The following CELSR2 variants were observed in gnomAD, a reference collection of about 807,000 sequenced individuals.
The protein encoded by CELSR2 is cadherin EGF LAG seven-pass G-type receptor 2.
CELSR2 carries 81 observed loss-of-function variants against 251.6 expected under a neutral mutation model. The observed-to-expected ratio is 0.32, with a 90% CI of 0.27 to 0.39. CELSR2 has a LOEUF of 0.39. Among genes scored for constraint, CELSR2 ranks in the 10% least tolerant of loss-of-function variants. The probability of loss-of-function intolerance (pLI) is 1.00; values close to 1 mark genes in which losing one functional copy is unlikely to be tolerated. For synonymous variants in CELSR2, 1,721 were observed against 1,670.5 expected (o/e 1.03, Z -0.74); for missense variants, 3,365 against 3,947.7 (o/e 0.85, Z 3.96).
At chr1:109,262,730 G>C in intron 6 of CELSR2, 76 bp from the exon 7 acceptor site, 1 of 1,573,086 alleles carries the variant, frequency 6.4e-7, no homozygotes, top group South Asian at 1.2e-5. Flanking sequence ...TCGTGTCTCT[G>C]GCCTGGCGGC....
chr1:109,258,709 G>A lies in CELSR2; in HGVS notation c.3588G>A (p.Gly1196=). 6.4e-7 allele frequency: 1 copy of A among 1,552,056 alleles called. No homozygotes were observed. ...SVGQPPGPGG[G]PPFLPSEDLQ... is the part of the protein sequence containing the mutation. ...GCCAGCCGCCAGGGCCCGGGGGCGG[G>A]CCGCCCTTCCTGCCCTCTGAGGACC... Residue 1196 remains glycine, a synonymous_variant, in exon 2 of 34, where the codon GGG becomes GGA. Coordinates refer to ENST00000271332, the MANE Select transcript of CELSR2 (RefSeq NM_001408.3).
chr1:109,270,270 C>CT, intron 23 of CELSR2, 137 bp downstream of exon 23: 1 of 1,261,804 alleles, frequency 7.9e-7, no homozygotes, highest in South Asian at 1.3e-5. Flanking sequence ...GTTTCCTCTT[C>CT]TGTGGCTCCC....
Position 109,264,473 on chromosome 1 carries a change from C to G in CELSR2, c.5309C>G (p.Thr1770Arg). 3 of 1,607,628 alleles carry G rather than the reference C, an allele frequency of 1.9e-6. No individual in the cohort carries two copies. Among genetic ancestry groups the G allele is most frequent in the Non-Finnish European group, 2.6e-6 (3 of 1,176,406 alleles). The change falls in exon 11 of 34, where the codon ACG becomes AGG. Residue 1770 changes from threonine to arginine, a missense_variant. Transcript: ENST00000271332. ...TCCCAGGGTGTGCGGGTGAGCGATACGCCGGAGGGGGTTAACAGCCTGGAT... is the reference window on the plus strand; with the variant it reads ...TCCCAGGGTGTGCGGGTGAGCGATAGGCCGGAGGGGGTTAACAGCCTGGAT... ...GCLQGVRVSD[T>R]PEGVNSLDPS...
Position 109,261,225 on chromosome 1 carries a change from G to C in CELSR2, c.4142G>C (p.Arg1381Pro). 1.9e-6 allele frequency: 3 copies of C among 1,613,876 alleles called. No individual in the cohort carries two copies. The highest frequency in any genetic ancestry group is 2.5e-6 in the Non-Finnish European group (3 of 1,180,022). ...SFPAHSFITFRGLRQRFHFTL... is the reference protein window; with the variant it reads ...SFPAHSFITFPGLRQRFHFTL... ...CCCGCCCACTCCTTCATCACCTTTC[G>C]CGGCCTGCGCCAGCGTTTCCACTTC... Residue 1381 changes from arginine to proline, a missense_variant, in exon 3 of 34, where the codon CGC becomes CCC. Around this residue, in one of 5 missense-constraint regions of CELSR2, gnomAD observed 2,093 missense variants for 2,382.8 expected, o/e 0.88. Transcript: ENST00000271332. This position sits in a 1 kb window ranked among gnomAD's most constrained non-coding sequence, Gnocchi z 4.8.
In CELSR2 at chr1:109,265,820, C is replaced by T. The variant is rs755405324; in HGVS notation, c.5813C>T (p.Pro1938Leu). The change falls in exon 14 of 34, where the codon CCT becomes CTT. Residue 1938 changes from proline to leucine, a missense_variant. This residue lies in a region of CELSR2 where 2,093 missense variants were observed against 2,382.8 expected (regional missense o/e 0.88). Coordinates refer to ENST00000271332, the MANE Select transcript of CELSR2 (RefSeq NM_001408.3). The part of the protein sequence containing the change: ...PTGSLSRVCD[P>L]EDGQCPCKPG... ...GGCTCCTTGTCCAGAGTCTGTGACC[C>T]TGAGGATGGCCAGTGTCCATGCAAG... 7 of 1,614,134 alleles carry T rather than the reference C, an allele frequency of 4.3e-6. No homozygotes were observed. The highest frequency in any genetic ancestry group is 5.9e-6 in the Non-Finnish European group (7 of 1,180,044).
rs1281955811 is a variant in CELSR2, at chr1:109,250,916, T to G, written c.837T>G (p.Val279=). 6.2e-7 allele frequency: 1 copy of G among 1,613,774 alleles called. No homozygotes were observed. ...RSALATLTIL[V]TDTNDHDPVF... Reference sequence around the variant, plus strand: ...CCCTGGCTACACTCACCATCTTGGTTACTGACACCAATGACCATGACCCTG... The same window carrying G: ...CCCTGGCTACACTCACCATCTTGGTGACTGACACCAATGACCATGACCCTG... Residue 279 remains valine (V), a synonymous_variant, in exon 1 of 34, where the codon GTT becomes GTG. Transcript: ENST00000271332. The surrounding 1 kb of genome is among the most constrained non-coding windows in gnomAD (Gnocchi z 4.4).
intron 14 of CELSR2, 77 bp from the exon 15 acceptor site, chr1:109,266,028 C>A: frequency 6.3e-7 from 1 of 1,591,694 alleles, no homozygotes. Flanking sequence ...CTGGGGAGGC[C>A]TAGGGAGGGC....
At chr1:109,257,497 T>G (rs1655892034) in intron 1 of CELSR2, among the ~76,000 whole-genome samples, 1 of 152,014 alleles carries the variant, frequency 6.6e-6, no homozygotes, top group South Asian at 2.1e-4. Context: ...GGGCTTAGGG[T>G]GTGTGGGTGG....
Position 109,251,276 on chromosome 1 carries a change from T to G in CELSR2, c.1197T>G (p.Phe399Leu). ...VEDDNDNAPQFSEKRYVVQVR... is the reference protein window; with the variant it reads ...VEDDNDNAPQLSEKRYVVQVR... ...ATGACAATGATAATGCCCCCCAGTT[T>G]AGTGAGAAGCGCTATGTGGTCCAGG... The change falls in exon 1 of 34, where the codon TTT (phenylalanine) becomes TTG (leucine). Residue 399 changes from phenylalanine (F) to leucine (L), a missense_variant. Phe to Leu is a conservative substitution (Grantham distance 22). Transcript: ENST00000271332. The surrounding 1 kb of genome is among the most constrained non-coding windows in gnomAD (Gnocchi z 4.9). 6.2e-7 allele frequency: 1 copy of G among 1,614,110 alleles called. No individual in the cohort carries two copies. The highest frequency in any genetic ancestry group is 1.1e-5 in the South Asian group (1 of 91,080).
intron 29 of CELSR2, 31 bp from the exon 30 acceptor site, chr1:109,272,609 T>C (rs1480464362): frequency 6.3e-7 from 1 of 1,599,972 alleles, no homozygotes; most frequent in African/African-American, 1.3e-5. Context: ...GGGGCCAGGC[T>C]GACCCCTCCA....
rs761854774 is a variant in CELSR2, at chr1:109,258,604, G to A, written c.3483G>A (p.Pro1161=). Residue 1161 remains proline (P), a synonymous_variant, in exon 2 of 34, where the codon CCG becomes CCA. Transcript: ENST00000271332. Reference sequence around the variant, plus strand: ...TGGCCGCCACGCTGGCCACGCCACCGGACCACGTGGTGGTCTTCAACGTAC... The same window carrying A: ...TGGCCGCCACGCTGGCCACGCCACCAGACCACGTGGTGGTCTTCAACGTAC... ...QAVAATLATP[P]DHVVVFNVQR... 3.2e-6 allele frequency: 5 copies of A among 1,586,228 alleles called. No individual in the cohort carries two copies. The African/African-American group carries it at 4.0e-5, about 13-fold the overall frequency.
Position 109,250,799 on chromosome 1 carries a change from A to T in CELSR2, c.720A>T (p.Ala240=). The change falls in exon 1 of 34, where the codon GCA becomes GCT. Residue 240 remains alanine, a synonymous_variant. Transcript: ENST00000271332. This position sits in a 1 kb window ranked among gnomAD's most constrained non-coding sequence, Gnocchi z 4.4. The part of the protein sequence containing the change: ...QFFSLDPVTG[A]VTTAEELDRE... ...TCTCCCTGGACCCAGTCACTGGTGC[A>T]GTAACCACAGCCGAGGAGCTGGATC... The T allele has an allele frequency of 6.2e-7, 1 of 1,614,096 alleles. No homozygotes were observed.
At position 109,250,364 on chromosome 1, in the gene CELSR2, A is replaced by G; in HGVS notation, c.285A>G (p.Pro95=). The G allele has an allele frequency of 6.2e-7, 1 of 1,613,554 alleles. No individual in the cohort carries two copies. The highest frequency in any genetic ancestry group is 8.5e-7 in the Non-Finnish European group (1 of 1,180,020). Residue 95 remains proline (P), a synonymous_variant, in exon 1 of 34, where the codon CCA becomes CCG. Transcript: ENST00000271332. This position sits in a 1 kb window ranked among gnomAD's most constrained non-coding sequence, Gnocchi z 4.4. Reference sequence around the variant, plus strand: ...ACGATGGCCTGAGGGTTTGGTGTCCAGAATCCGAGGCCCATATTCCCCTAC... The same window carrying G: ...ACGATGGCCTGAGGGTTTGGTGTCCGGAATCCGAGGCCCATATTCCCCTAC... ...PHHDGLRVWC[P]ESEAHIPLPP...
chr1:109,273,854 C>A, intron 33 of CELSR2, 168 bp from the exon 34 acceptor site: 1 of 1,092,984 alleles, frequency 9.1e-7, no homozygotes, highest in Non-Finnish European at 1.4e-6. Flanking sequence ...GAGGGCCACC[C>A]CTCCTAGGCT....
rs1455407209 is a variant in CELSR2 at position 109,250,464 on chromosome 1, C to G, written c.385C>G (p.Leu129Val). 4 of 1,613,608 alleles carry G rather than the reference C, an allele frequency of 2.5e-6. No individual in the cohort carries two copies. In the South Asian group the frequency reaches 3.3e-5, roughly 13 times the overall value. The part of the protein sequence containing the change: ...IGGHLSPQGK[L>V]TLPEEHPCLK... ...AGGCCACCTTTCCCCACAGGGCAAG[C>G]TCACACTGCCCGAGGAGCACCCGTG... Residue 129 changes from leucine (L) to valine (V), a missense_variant, in exon 1 of 34, where the codon CTC becomes GTC. Coordinates refer to ENST00000271332, the MANE Select transcript of CELSR2 (RefSeq NM_001408.3). This position sits in a 1 kb window ranked among gnomAD's most constrained non-coding sequence, Gnocchi z 4.4.
rs1262437969 is a variant in CELSR2 at position 109,249,956 on chromosome 1, G to A, written c.-124G>A. 1.1e-6 allele frequency: 1 copy of A among 929,682 alleles called. No individual in the cohort carries two copies. Among genetic ancestry groups the A allele is most frequent in the African/African-American group, 1.7e-5 (1 of 57,262 alleles). 57.6% of individuals were successfully genotyped at this position (929,682 alleles called of 1,614,324 possible). A position where few individuals can be genotyped will look rare whatever the true frequency, so the allele number is the denominator to read the frequency against. ...AGCCATCCAGACGCAGGCCCCGCGG[G>A]GCGCACGGGAGGCCCCCGGGGACTG... is the stretch of plus-strand genomic sequence containing the variant. On this transcript the variant is annotated 5_prime_UTR_variant, in exon 1 of 34. Coordinates refer to ENST00000271332, the MANE Select transcript of CELSR2 (RefSeq NM_001408.3).
At chr1:109,256,442 G>A (rs1655848302) in intron 1 of CELSR2, among the ~76,000 whole-genome samples, 1 of 152,106 alleles carries the variant, frequency 6.6e-6, no homozygotes, top group African/African-American at 2.4e-5. Context: ...CTGAGATGGG[G>A]GTCTGCTTTC....
In CELSR2 at chr1:109,253,127, C is replaced by T. The variant is rs755144613; in HGVS notation, c.3048C>T (p.Arg1016=). The part of the protein sequence containing the change: ...RATVHVRLLD[R]NDNPPVLGNF... Reference sequence around the variant, plus strand: ...CAGTCCACGTCCGCCTCCTTGACCGCAATGACAACCCACCAGTGCTGGGCA... The same window carrying T: ...CAGTCCACGTCCGCCTCCTTGACCGTAATGACAACCCACCAGTGCTGGGCA... Residue 1016 remains arginine (R), a synonymous_variant, in exon 1 of 34, where the codon CGC becomes CGT. Coordinates refer to ENST00000271332, the MANE Select transcript of CELSR2 (RefSeq NM_001408.3). The T allele has an allele frequency of 1.2e-6, 2 of 1,613,870 alleles. No homozygotes were observed. The highest frequency in any genetic ancestry group is 3.3e-5 in the Admixed American group (2 of 60,034).
Position 109,253,526 on chromosome 1 carries a change from G to A in CELSR2, c.3310+137G>A, listed in dbSNP as rs1022907255. On this transcript the variant is annotated intron_variant, in intron 1 of 33. Transcript: ENST00000271332. ...CCAGTGCCTGGCACAGAGCAGGAGG[G>A]GCAAGAGCCAGCTTGGGAAGAAGCC... 21 of 1,430,162 alleles carry A rather than the reference G, an allele frequency of 1.5e-5. No homozygotes were observed. The African/African-American group carries it at 2.4e-4, about 17-fold the overall frequency. 88.6% of individuals were successfully genotyped at this position (1,430,162 alleles called of 1,614,324 possible). A position where few individuals can be genotyped will look rare whatever the true frequency, so the allele number is the denominator to read the frequency against.
Sources: gnomAD v4.1 joint callset for allele counts (sites outside exome capture counted in the v4.1 genomes callset) on GRCh38, gnomAD v4.1.1 for gene constraint, gnomAD v4.1.1 regional missense constraint, Gnocchi (gnomAD v3.1) non-coding constraint, MANE v1.5 for transcripts, NCBI Gene and HGNC (gene_info 2026-07-23, HGNC 2026-07-21) for gene names.